Variants in INTS4 observed in about 807,000 individuals in gnomAD.
INTS4 encodes integrator complex subunit 4, also known as MSTP093.
INTS4 carries 70 observed loss-of-function variants against 119.5 expected under a neutral mutation model. The ratio of observed to expected loss-of-function variants is 0.59; its 90% CI spans 0.48 to 0.71. The LOEUF (loss-of-function observed/expected upper bound fraction) is 0.71. Ranked by LOEUF, INTS4 falls within the 30% of genes least tolerant of loss-of-function variation. The pLI is 0.00. For synonymous variants in INTS4, 316 were observed against 419.6 expected (o/e 0.75, Z 3.02); for missense variants, 867 against 1,173.2 (o/e 0.74, Z 3.81).
chr11:77,968,206 T>C (rs1030330573), intron 4 of INTS4, among the ~76,000 whole-genome samples: 2 of 152,224 alleles, frequency 1.3e-5, no homozygotes, highest in Non-Finnish European at 2.9e-5. Flanking sequence ...TATTATGTGA[T>C]GCATGCTGTA....
At chr11:77,891,881 C>G (rs973674893) in intron 19 of INTS4, 41 bp from the exon 20 acceptor site, 2 of 1,609,700 alleles carry the variant, frequency 1.2e-6, no homozygotes, top group African/African-American at 2.7e-5. Context: ...TTCAACTGTG[C>G]ACTCATTCAC....
intron 4 of INTS4, among the ~76,000 whole-genome samples, chr11:77,970,543 C>T (rs537455348): frequency 2.0e-5 from 3 of 151,136 alleles, no homozygotes; most frequent in East Asian, 4.0e-4. Context: ...AGCAGCTGAG[C>T]GAACACCAGG....
intron 4 of INTS4, among the ~76,000 whole-genome samples, chr11:77,969,073 A>G (rs1855605516): frequency 6.6e-6 from 1 of 152,092 alleles, no homozygotes; most frequent in East Asian, 1.9e-4. Flanking sequence ...CCATCAGGGT[A>G]GCTGGGATTA....
intron 22 of INTS4, among the ~76,000 whole-genome samples, chr11:77,882,647 G>C (rs190419313): frequency 2.3e-3 from 346 of 152,226 alleles, no homozygotes; most frequent in African/African-American, 7.9e-3. Flanking sequence ...GCACGTCCTG[G>C]GTAGCAGAAC....
At chr11:77,939,408 C>T (rs1479869179) in intron 9 of INTS4, among the ~76,000 whole-genome samples, 3 of 152,082 alleles carry the variant, frequency 2.0e-5, no homozygotes, top group Admixed American at 6.5e-5. Flanking sequence ...CATGCCACTG[C>T]ACTCCAGCCT....
chr11:77,884,322 A>G (rs1229662263), intron 21 of INTS4, among the ~76,000 whole-genome samples: 1 of 152,168 alleles, frequency 6.6e-6, no homozygotes, highest in African/African-American at 2.4e-5. Context: ...ACCAACCACC[A>G]GTATTTGGAG....
At chr11:77,902,160 G>T (rs1447936215) in intron 17 of INTS4, among the ~76,000 whole-genome samples, 1 of 152,168 alleles carries the variant, frequency 6.6e-6, no homozygotes, top group Non-Finnish European at 1.5e-5. Context: ...TCACGGAAAT[G>T]ACTCCAGACT....
At chr11:77,993,043 G>A (rs553063839) in intron 1 of INTS4, among the ~76,000 whole-genome samples, 1 of 152,262 alleles carries the variant, frequency 6.6e-6, no homozygotes, top group East Asian at 1.9e-4. Flanking sequence ...GCTGTAGTTA[G>A]GTCAAAAGCT....
chr11:77,978,960 G>A (rs368976777), intron 4 of INTS4, 36 bp downstream of exon 4: 10 of 1,353,032 alleles, frequency 7.4e-6, no homozygotes, highest in African/African-American at 2.9e-5. Flanking sequence ...TCAGTTACCA[G>A]TTTAGGATGG....
At chr11:77,920,258 C>CATATATATACATATATATACACAT (rs58721042) in intron 14 of INTS4, among the ~76,000 whole-genome samples, 1 of 142,498 alleles carries the variant, frequency 7.0e-6, no homozygotes, top group Non-Finnish European at 1.5e-5. Context: ...TACATATATA[C>CATATATATACATATATATACACAT]ATATATACAC....
chr11:77,956,195 G>A, intron 7 of INTS4, 133 bp from the exon 8 acceptor site: 1 of 908,888 alleles, frequency 1.1e-6, no homozygotes, highest in Non-Finnish European at 1.6e-6. Context: ...GATTGCTTGA[G>A]CCCAAGAGTT....
intron 2 of INTS4, among the ~76,000 whole-genome samples, chr11:77,990,172 T>G (rs1009505823): frequency 6.0e-5 from 9 of 149,300 alleles, no homozygotes; most frequent in African/African-American, 1.7e-4. Flanking sequence ...TGAGCCAAGA[T>G]TGTGCCACCA....
intron 15 of INTS4, chr11:77,910,976 G>C: frequency 7.8e-7 from 1 of 1,287,564 alleles, no homozygotes; most frequent in South Asian, 1.2e-5. Context: ...AAACCTTAAG[G>C]TCTGAGTCAC....
At chr11:77,876,829 G>A, downstream of INTS4, 2 of 599,876 alleles carry the variant, frequency 3.3e-6, no homozygotes, top group Non-Finnish European at 6.0e-6. Context: ...TAACTTGGAG[G>A]ATTTTTATAA....
At chr11:77,924,331 G>A (rs2136486271) in intron 12 of INTS4, 1 of 153,118 alleles carries the variant, frequency 6.5e-6, no homozygotes, top group African/African-American at 2.4e-5. Flanking sequence ...AACCCAGGAG[G>A]CAGAAGTTGC....
At chr11:77,895,029 T>G (rs1591021573) in intron 18 of INTS4, among the ~76,000 whole-genome samples, 1 of 152,194 alleles carries the variant, frequency 6.6e-6, no homozygotes, top group Admixed American at 6.5e-5. Context: ...GGGGAAAAGG[T>G]TTTGTTACTA....
rs1328242335 is a variant in INTS4 at position 77,925,133 on chromosome 11, A to C, written c.1372-241T>G. 2.6e-5 allele frequency among the ~76,000 whole-genome samples: 4 copies of C among 152,172 alleles called. 1 individual carries two copies. The highest frequency in any genetic ancestry group is 5.9e-5 in the Non-Finnish European group (4 of 68,022). On this transcript the variant is annotated intron_variant, in intron 11 of 22. Transcript: ENST00000534064. The stretch of plus-strand genomic sequence containing the variant: ...TTTCCATCCTATCTGGAACTCAATC[A>C]TGATGCTGAAGGTACAAGAGCCTTT...
At chr11:77,881,819 G>A (rs1590994907) in intron 22 of INTS4, among the ~76,000 whole-genome samples, 2 of 151,968 alleles carry the variant, frequency 1.3e-5, no homozygotes, top group South Asian at 4.1e-4. Context: ...AAACCAGTAC[G>A]CACTATATAT....
intron 10 of INTS4, among the ~76,000 whole-genome samples, chr11:77,937,507 G>T (rs1469473683): frequency 6.6e-6 from 1 of 152,184 alleles, no homozygotes; most frequent in East Asian, 1.9e-4. Context: ...ACTTTAGGAG[G>T]CCAAAGCAAA....
Sources: gnomAD v4.1 joint callset for allele counts (sites outside exome capture counted in the v4.1 genomes callset) on GRCh38, gnomAD v4.1.1 for gene constraint, MANE v1.5 for transcripts, NCBI Gene and HGNC (gene_info 2026-07-23, HGNC 2026-07-21) for gene names.